The following HYDIN variants were observed in gnomAD, a reference collection of about 807,000 sequenced individuals.
HYDIN encodes the protein axonemal central pair apparatus protein HYDIN.
HYDIN carries 132 observed loss-of-function variants against 403.9 expected under a neutral mutation model. The observed-to-expected ratio is 0.33, with a 90% CI of 0.28 to 0.38. The LOEUF (loss-of-function observed/expected upper bound fraction) is 0.38, where lower values mean the gene tolerates loss of function less well. Ranked by LOEUF, HYDIN falls within the 10% of genes least tolerant of loss-of-function variation. HYDIN has a pLI of 1.00. For synonymous variants in HYDIN, 1,202 were observed against 1,891.7 expected (o/e 0.64, Z 9.46); for missense variants, 2,827 against 5,009.5 (o/e 0.56, Z 13.15).
intron 10 of HYDIN, among the ~76,000 whole-genome samples, chr16:71,112,804 G>A (rs1412906920): frequency 2.0e-5 from 3 of 152,116 alleles, no homozygotes; most frequent in Non-Finnish European, 2.9e-5. Context: ...TGGACTAGTC[G>A]GGGATAACCT....
At chr16:70,908,588 G>C in intron 48 of HYDIN, 65 bp downstream of exon 48, 6 of 1,499,688 alleles carry the variant, frequency 4.0e-6, no homozygotes, top group Non-Finnish European at 5.4e-6. Flanking sequence ...CCAGTGCTGT[G>C]ACAGTCACAC....
intron 52 of HYDIN, 93 bp from the exon 53 acceptor site, chr16:70,901,295 T>C (rs114916914): frequency 0.018 from 14,246 of 781,542 alleles, 379 homozygotes; most frequent in African/African-American, 0.097. Context: ...CAGGGGTTCA[T>C]GTGCAGGTTT....
intron 11 of HYDIN, among the ~76,000 whole-genome samples, chr16:71,089,092 T>C (rs1453746303): frequency 6.9e-6 from 1 of 145,710 alleles, no homozygotes; most frequent in Non-Finnish European, 1.5e-5. Context: ...ACTGGATGGA[T>C]GATTGTTTTG....
At chr16:70,959,925 G>A (rs2078359839) in intron 38 of HYDIN, 105 bp from the exon 39 acceptor site, 1 of 574,026 alleles carries the variant, frequency 1.7e-6, no homozygotes, top group South Asian at 2.4e-5. Flanking sequence ...CTTTTTAAAT[G>A]CTGTTTTTTT....
chr16:71,222,653 T>C (rs1345096916), intron 1 of HYDIN, among the ~76,000 whole-genome samples: 1 of 152,102 alleles, frequency 6.6e-6, no homozygotes, highest in African/African-American at 2.4e-5. Flanking sequence ...ACAAAATTAA[T>C]GTACACAAAT....
chr16:71,062,077 G>C (rs1168104235), intron 17 of HYDIN, 92 bp downstream of exon 17: 3 of 1,105,238 alleles, frequency 2.7e-6, no homozygotes, highest in Non-Finnish European at 4.0e-6. Flanking sequence ...TGGGGTGTAT[G>C]TGAATATGGT....
At chr16:70,905,894 C>G (rs1266892021) in intron 50 of HYDIN, among the ~76,000 whole-genome samples, 5 of 151,678 alleles carry the variant, frequency 3.3e-5, no homozygotes, top group Admixed American at 2.6e-4. Flanking sequence ...GCCCTCCTGT[C>G]TGGCTTTGAA....
intron 59 of HYDIN, among the ~76,000 whole-genome samples, chr16:70,883,216 T>G (rs1297047342): frequency 6.6e-6 from 1 of 151,200 alleles, no homozygotes; most frequent in Non-Finnish European, 1.5e-5. Flanking sequence ...CATGAGGCAT[T>G]CTCTTTGCAC....
At chr16:70,982,069 A>G (rs557054298) in intron 28 of HYDIN, among the ~76,000 whole-genome samples, 1 of 149,910 alleles carries the variant, frequency 6.7e-6, no homozygotes, top group East Asian at 2.0e-4. Flanking sequence ...CAGAGCTTGC[A>G]GTGAGCCGAG....
At chr16:70,853,697 TG>T (rs2038819743) in intron 73 of HYDIN, among the ~76,000 whole-genome samples, 1 of 139,930 alleles carries the variant, frequency 7.1e-6, no homozygotes, top group African/African-American at 3.1e-5. Context: ...AGGTGTTGCT[TG>T]GGGGAAGGGA....
intron 80 of HYDIN, among the ~76,000 whole-genome samples, chr16:70,830,349 A>G (rs783895): frequency 0.014 from 1,754 of 129,836 alleles, no homozygotes; most frequent in African/African-American, 0.052. Flanking sequence ...CCTGGTTTTG[A>G]CAAAAGGCAG....
intron 41 of HYDIN, among the ~76,000 whole-genome samples, chr16:70,947,597 A>C (rs574556866): frequency 0.02 from 2,998 of 151,572 alleles, 42 homozygotes; most frequent in Middle Eastern, 0.079. Context: ...ATTGATTGGA[A>C]TAGTTTCAGA....
chr16:70,990,203 C>T (rs2079302232), intron 25 of HYDIN, among the ~76,000 whole-genome samples: 1 of 151,152 alleles, frequency 6.6e-6, no homozygotes, highest in South Asian at 2.1e-4. Context: ...CAAGACCACC[C>T]CGGGCAACAT....
Position 70,991,802 on chromosome 16 carries a change from G to A in HYDIN, c.3785+268C>T, listed in dbSNP as rs1395778390. ...TTGGTGAATTGATATATCCTTTCCT[G>A]CTTGCTACCCTGGACCCAATCCTGA... is the stretch of plus-strand genomic sequence containing the variant. On this transcript the variant is annotated intron_variant, in intron 24 of 85. Coordinates refer to ENST00000393567, the MANE Select transcript of HYDIN (RefSeq NM_001270974.2). 2.0e-5 allele frequency among the ~76,000 whole-genome samples: 3 copies of A among 151,792 alleles called. No homozygotes were observed. In the East Asian group the frequency reaches 5.8e-4, roughly 29 times the overall value.
intron 39 of HYDIN, among the ~76,000 whole-genome samples, chr16:70,956,538 C>A (rs1329735364): frequency 6.6e-6 from 1 of 152,122 alleles, no homozygotes; most frequent in African/African-American, 2.4e-5. Flanking sequence ...GATTATCCAA[C>A]CGGGCACAAT....
At chr16:71,078,871 C>T (rs2082698447) in intron 13 of HYDIN, among the ~76,000 whole-genome samples, 1 of 152,222 alleles carries the variant, frequency 6.6e-6, no homozygotes, top group Admixed American at 6.5e-5. Flanking sequence ...CTCCCACTAT[C>T]CTTTTCCTTC....
chr16:71,107,220 G>T (rs796526133), intron 10 of HYDIN, among the ~76,000 whole-genome samples: 2 of 151,534 alleles, frequency 1.3e-5, no homozygotes, highest in Non-Finnish European at 2.9e-5. Context: ...AATGGGTGCA[G>T]CCCACCAACA....
At position 70,813,426 on chromosome 16, in the gene HYDIN, G is replaced by A. The variant is rs534746966; in HGVS notation, c.14659-3419C>T. ...TCCAGCAACCACATGAGTGAGTCTG[G>A]AGACAGAAAATCTAGCCCCAGTCAT... On this transcript the variant is annotated intron_variant, in intron 84 of 85. Transcript: ENST00000393567. 2.0e-5 allele frequency among the ~76,000 whole-genome samples: 3 copies of A among 152,288 alleles called. No homozygotes were observed. In the East Asian group the frequency reaches 5.8e-4, roughly 29 times the overall value.
intron 1 of HYDIN, among the ~76,000 whole-genome samples, chr16:71,196,922 A>G (rs1330258657): frequency 1.3e-5 from 2 of 152,190 alleles, no homozygotes; most frequent in Admixed American, 1.3e-4. Flanking sequence ...CATATAATCA[A>G]TAAATAAACA....
Sources: gnomAD v4.1 joint callset for allele counts (sites outside exome capture counted in the v4.1 genomes callset) on GRCh38, gnomAD v4.1.1 for gene constraint, MANE v1.5 for transcripts, NCBI Gene and HGNC (gene_info 2026-07-23, HGNC 2026-07-21) for gene names.